The following ALDH3A1 variants were observed in gnomAD, a reference collection of about 807,000 sequenced individuals.
ALDH3A1 encodes aldehyde dehydrogenase, dimeric NADP-preferring.
Under a neutral mutation model 49.9 loss-of-function variants are expected in ALDH3A1, and 46 were observed. That is an observed-to-expected ratio of 0.92 (90% confidence interval 0.73 to 1.18). The LOEUF (loss-of-function observed/expected upper bound fraction) is 1.18, where lower values mean the gene tolerates loss of function less well. Ranked by LOEUF, ALDH3A1 falls within the 50% of genes most tolerant of loss-of-function variation. ALDH3A1 has a pLI of 0.00. For missense variants in ALDH3A1, 592 were observed against 611.8 expected (o/e 0.97, Z 0.34); for synonymous variants, 269 against 253.3 (o/e 1.06, Z -0.59).
rs746369217 is a variant in ALDH3A1 at position 19,739,591 on chromosome 17, C to T, written c.1033G>A (p.Val345Met). Residue 345 changes from valine (V) to methionine (M), a missense_variant, in exon 8 of 11, where the codon GTG (valine) becomes ATG (methionine). Physicochemically the swap from Val to Met is conservative, Grantham distance 21. Coordinates refer to ENST00000225740, the MANE Select transcript of ALDH3A1 (RefSeq NM_000691.5). ...IFGPVLPIVC[V>M]RSLEEAIQFI... Reference sequence around the variant, plus strand: ...TGGATGGCCTCCTCCAGGCTGCGCACGCACACGATGGGCAGCACAGGCCCG... The same window carrying T: ...TGGATGGCCTCCTCCAGGCTGCGCATGCACACGATGGGCAGCACAGGCCCG... The T allele has an allele frequency of 1.9e-5, 30 of 1,613,820 alleles. No individual in the cohort carries two copies. The highest frequency in any genetic ancestry group is 6.6e-5 in the South Asian group (6 of 90,978).
rs116087608 is a variant in ALDH3A1, at chr17:19,738,301, C to G, written c.1347+22G>C. 9.4e-4 allele frequency: 1,525 copies of G among 1,613,774 alleles called. 12 individuals carry two copies. The African/African-American group carries it at 0.018, about 19-fold the overall frequency. On this transcript the variant is annotated intron_variant, in intron 10 of 10. Coordinates refer to ENST00000225740, the MANE Select transcript of ALDH3A1 (RefSeq NM_000691.5). ...TGGTCCCGCACAGCCCGGTCTCCCC[C>G]ACAGCGCCTTCCCCCTCTCACCTTG...
At chr17:19,740,180 G>T in intron 7 of ALDH3A1, 156 bp downstream of exon 7, 1 of 927,000 alleles carries the variant, frequency 1.1e-6, no homozygotes, top group Non-Finnish European at 1.6e-6. Flanking sequence ...CTCAGCCCCT[G>T]CCTGCTGGAG....
chr17:19,743,141 G>A lies in ALDH3A1; in HGVS notation c.394+91C>T, dbSNP rs1008555761. The A allele has an allele frequency of 3.8e-6, 6 of 1,563,806 alleles. No homozygotes were observed. The South Asian group carries it at 4.6e-5, about 12-fold the overall frequency. On this transcript the variant is annotated intron_variant, in intron 3 of 10. Transcript: ENST00000225740. The surrounding 1 kb of genome is among the most constrained non-coding windows in gnomAD (Gnocchi z 4.4). ...CCCAGCAAACCCTTATCTGACCCCAGGACTCTTAACACAGGCCTGAGCCCA... is the reference window on the plus strand; with the variant it reads ...CCCAGCAAACCCTTATCTGACCCCAAGACTCTTAACACAGGCCTGAGCCCA...
chr17:19,739,778 G>T, intron 7 of ALDH3A1, 104 bp from the exon 8 acceptor site: 1 of 1,400,416 alleles, frequency 7.1e-7, no homozygotes, highest in Non-Finnish European at 9.6e-7. Flanking sequence ...AGGCAAACCT[G>T]CCCAGGCTTG....
At chr17:19,741,976 C>T in intron 5 of ALDH3A1, 28 bp downstream of exon 5, 1 of 1,610,712 alleles carries the variant, frequency 6.2e-7, no homozygotes, top group Non-Finnish European at 8.5e-7. Flanking sequence ...GTAAGGACTG[C>T]TGCAGCCAGC....
intron 9 of ALDH3A1, among the ~76,000 whole-genome samples, chr17:19,738,741 G>A (rs2086434182): frequency 6.6e-6 from 1 of 152,218 alleles, no homozygotes; most frequent in Non-Finnish European, 1.5e-5. Context: ...CTAAATGGCT[G>A]TGTGACCTCT....
rs1458208430 is a variant in ALDH3A1, at chr17:19,743,302, G to C, written c.324C>G (p.Val108=). The change falls in exon 3 of 11, where the codon GTC becomes GTG. Residue 108 remains valine, a synonymous_variant. Coordinates refer to ENST00000225740, the MANE Select transcript of ALDH3A1 (RefSeq NM_000691.5). The surrounding 1 kb of genome is among the most constrained non-coding windows in gnomAD (Gnocchi z 4.4). The part of the protein sequence containing the change: ...LYIHSEPLGV[V]LVIGTWNYPF... ...GGTAGTTCCAGGTGCCAATGACGAG[G>C]ACCACGCCCAGTGGCTCCGAGTGGA... 5 of 1,614,036 alleles carry C rather than the reference G, an allele frequency of 3.1e-6. No individual in the cohort carries two copies. In the Admixed American group the frequency reaches 8.3e-5, roughly 27 times the overall value.
At chr17:19,744,742 A>G in intron 2 of ALDH3A1, 1 of 1,358,200 alleles carries the variant, frequency 7.4e-7, no homozygotes, top group Non-Finnish European at 9.4e-7. Context: ...TGCGGGCGGG[A>G]CGCGGAGGCC....
At chr17:19,747,027 G>A (rs2086610339) in intron 1 of ALDH3A1, among the ~76,000 whole-genome samples, 1 of 152,070 alleles carries the variant, frequency 6.6e-6, no homozygotes, top group African/African-American at 2.4e-5. Context: ...AGGGGCCACT[G>A]TTACCAGTTC....
chr17:19,741,060 C>T, intron 6 of ALDH3A1, 33 bp downstream of exon 6: 1 of 1,566,870 alleles, frequency 6.4e-7, no homozygotes, highest in Non-Finnish European at 8.8e-7. Flanking sequence ...CTTACAGCCT[C>T]TCATCCCACC....
chr17:19,742,346 T>A (rs2086511774), intron 4 of ALDH3A1, 134 bp from the exon 5 acceptor site: 3 of 1,131,076 alleles, frequency 2.7e-6, no homozygotes, highest in African/African-American at 1.6e-5. Flanking sequence ...GGGGTAGCAG[T>A]AACTGGCAGT....
At chr17:19,741,961 G>T in intron 5 of ALDH3A1, 43 bp downstream of exon 5, 1 of 1,589,416 alleles carries the variant, frequency 6.3e-7, no homozygotes. Flanking sequence ...TGCTTGGAAA[G>T]CAGAGTAAGG....
intron 4 of ALDH3A1, 112 bp from the exon 5 acceptor site, chr17:19,742,324 C>T (rs1424031472): frequency 7.9e-7 from 1 of 1,267,722 alleles, no homozygotes; most frequent in African/African-American, 1.5e-5. Context: ...CTCAGCACCC[C>T]ACCTTGGGCG....
At chr17:19,746,654 CATGT>C (rs1434455919) in intron 1 of ALDH3A1, among the ~76,000 whole-genome samples, 1 of 133,764 alleles carries the variant, frequency 7.5e-6, no homozygotes, top group Non-Finnish European at 1.6e-5. Flanking sequence ...CGTGTGTGTG[CATGT>C]GTGTGTGTGC....
In ALDH3A1 at chr17:19,741,187, A is replaced by T. The variant is rs1473769460; in HGVS notation, c.713T>A (p.Met238Lys). The T allele has an allele frequency of 1.9e-6, 3 of 1,613,906 alleles. No individual in the cohort carries two copies. The highest frequency in any genetic ancestry group is 2.5e-6 in the Non-Finnish European group (3 of 1,179,954). Residue 238 changes from methionine to lysine, a missense_variant, in exon 6 of 11, where the codon ATG becomes AAG. By Grantham distance (95) the Met-to-Lys change is moderately conservative. Transcript: ENST00000225740. ...ACRRIAWGKF[M>K]NSGQTCVAPD... Reference sequence around the variant, plus strand: ...GGCCACGCAGGTCTGGCCACTGTTCATGAATTTCCCCCAGGCGATGCGTCT... The same window carrying T: ...GGCCACGCAGGTCTGGCCACTGTTCTTGAATTTCCCCCAGGCGATGCGTCT...
chr17:19,746,620 T>C (rs938022100), intron 1 of ALDH3A1, among the ~76,000 whole-genome samples: 2 of 148,794 alleles, frequency 1.3e-5, no homozygotes, highest in Non-Finnish European at 3.0e-5. Context: ...CATGTGTGTG[T>C]GTGCGTGTGT....
At position 19,744,908 on chromosome 17, in the gene ALDH3A1, C is replaced by G. The variant is rs936262526; in HGVS notation, c.162+60G>C. 2.2e-5 allele frequency: 20 copies of G among 908,506 alleles called. No individual in the cohort carries two copies. In the African/African-American group the frequency reaches 2.8e-4, roughly 13 times the overall value. The allele number at this position is 908,506 out of a possible 1,614,324, so 56.3% of individuals were successfully genotyped here. Reference sequence around the variant, plus strand: ...TGGGTCGCACTCTCCCCAGCCCCTCCCCCCACGCCCCATCGCATGGCCCCG... The same window carrying G: ...TGGGTCGCACTCTCCCCAGCCCCTCGCCCCACGCCCCATCGCATGGCCCCG... On this transcript the variant is annotated intron_variant, in intron 2 of 10. Transcript: ENST00000225740.
Position 19,748,002 on chromosome 17 carries a change from T to G in ALDH3A1, c.-6+257A>C. The G allele has an allele frequency of 5.1e-6, 1 of 194,886 alleles. No homozygotes were observed. Among genetic ancestry groups the G allele is most frequent in the Non-Finnish European group, 1.1e-5 (1 of 90,816 alleles). 12.1% of individuals were successfully genotyped at this position (194,886 alleles called of 1,614,324 possible). A position where few individuals can be genotyped will look rare whatever the true frequency, so the allele number is the denominator to read the frequency against. On this transcript the variant is annotated intron_variant, in intron 1 of 10. Coordinates refer to ENST00000225740, the MANE Select transcript of ALDH3A1 (RefSeq NM_000691.5). This position sits in a 1 kb window ranked among gnomAD's most constrained non-coding sequence, Gnocchi z 4.4. ...TGCTGCCTTCCTTCCAGTCATGGAG[T>G]CTGACGGCCCATCAGGGCCTCTCAC...
At position 19,743,197 on chromosome 17, in the gene ALDH3A1, G is replaced by A. The variant is rs370374404; in HGVS notation, c.394+35C>T. The A allele has an allele frequency of 7.4e-6, 12 of 1,610,986 alleles. No homozygotes were observed. Among genetic ancestry groups the A allele is most frequent in the East Asian group, 2.2e-5 (1 of 44,800 alleles). ...GCTTGGCTCCACGCTGGGGGACGGTGCTCCCCCAGCTTCCCTTCCCACAGG... is the reference window on the plus strand; with the variant it reads ...GCTTGGCTCCACGCTGGGGGACGGTACTCCCCCAGCTTCCCTTCCCACAGG... On this transcript the variant is annotated intron_variant, in intron 3 of 10. Transcript: ENST00000225740. The surrounding 1 kb of genome is among the most constrained non-coding windows in gnomAD (Gnocchi z 4.4).
Sources: allele counts gnomAD v4.1 joint callset (sites outside exome capture counted in the v4.1 genomes callset), GRCh38; gene constraint gnomAD v4.1.1; non-coding constraint Gnocchi (gnomAD v3.1); transcripts MANE v1.5; gene names NCBI Gene and HGNC (gene_info 2026-07-23, HGNC 2026-07-21).